Variants in DNM1L observed in about 807,000 individuals in gnomAD.
The protein encoded by DNM1L is dynamin 1L.
A neutral mutation model predicts 92.8 loss-of-function variants in DNM1L; 33 were observed. The observed-to-expected ratio is 0.36, with a 90% CI of 0.27 to 0.48. The LOEUF (loss-of-function observed/expected upper bound fraction) is 0.48, where lower values mean the gene tolerates loss of function less well. Ranked by LOEUF, DNM1L falls within the 20% of genes least tolerant of loss-of-function variation. DNM1L has a pLI of 0.99. For missense variants in DNM1L, 485 were observed against 888.8 expected (o/e 0.55, Z 5.78); for synonymous variants, 284 against 305.0 (o/e 0.93, Z 0.72).
chr12:32,711,269 A>C, intron 5 of DNM1L: 1 of 426,960 alleles, frequency 2.3e-6, no homozygotes, highest in East Asian at 4.6e-5. Flanking sequence ...CCAATGTCTA[A>C]ACAGTAAGTG....
chr12:32,688,948 T>C (rs529070796), intron 1 of DNM1L, among the ~76,000 whole-genome samples: 1 of 152,252 alleles, frequency 6.6e-6, no homozygotes, highest in Admixed American at 6.5e-5. Flanking sequence ...CTGTAGTCCC[T>C]TTTACTTGGG....
chr12:32,708,292 A>G, intron 4 of DNM1L, 68 bp downstream of exon 4: 1 of 1,042,678 alleles, frequency 9.6e-7, no homozygotes, highest in Non-Finnish European at 1.5e-6. Context: ...TTCTGTACAT[A>G]ATATGTGAAG....
intron 9 of DNM1L, among the ~76,000 whole-genome samples, chr12:32,729,848 C>A (rs1954431097): frequency 6.6e-6 from 1 of 152,098 alleles, no homozygotes; most frequent in Non-Finnish European, 1.5e-5. Context: ...GCTTGGCTTA[C>A]TTCTGTTAGC....
chr12:32,706,701 A>G (rs1191526735), intron 2 of DNM1L: 1 of 454,666 alleles, frequency 2.2e-6, no homozygotes, highest in East Asian at 7.0e-5. Context: ...TCCAAGGGAA[A>G]ACAGTCTTGA....
Position 32,743,664 on chromosome 12 carries a change from T to C in DNM1L, c.*254T>C. 2.1e-6 allele frequency: 1 copy of C among 486,982 alleles called. No individual in the cohort carries two copies. The highest frequency in any genetic ancestry group is 2.9e-5 in the South Asian group (1 of 34,978). The allele number at this position is 486,982 out of a possible 1,614,324, so 30.2% of individuals were successfully genotyped here. On this transcript the variant is annotated 3_prime_UTR_variant, in exon 20 of 20. Coordinates refer to ENST00000549701, the MANE Select transcript of DNM1L (RefSeq NM_012062.5). Reference sequence around the variant, plus strand: ...AAGTCTGTCTTGTGACAGTTTCATCTGAACTTAACTTAAAAACAACTGTTA... The same window carrying C: ...AAGTCTGTCTTGTGACAGTTTCATCCGAACTTAACTTAAAAACAACTGTTA...
chr12:32,740,501 A>G lies in DNM1L; in HGVS notation c.1977A>G (p.Arg659=). ...TTAAATCATATTTTCTCATTGTCAGAAAGAATATTCAAGACAGGTTAGTAT... is the reference window on the plus strand; with the variant it reads ...TTAAATCATATTTTCTCATTGTCAGGAAGAATATTCAAGACAGGTTAGTAT... ...RLIKSYFLIV[R]KNIQDSVPKA... Residue 659 remains arginine (R), a synonymous_variant, in exon 18 of 20, where the codon AGA becomes AGG. Transcript: ENST00000549701. The G allele has an allele frequency of 6.2e-7, 1 of 1,613,200 alleles. No homozygotes were observed. Among genetic ancestry groups the G allele is most frequent in the South Asian group, 1.1e-5 (1 of 90,968 alleles).
intron 1 of DNM1L, chr12:32,679,732 GA>G: frequency 8.6e-7 from 1 of 1,162,282 alleles, no homozygotes; most frequent in Non-Finnish European, 1.1e-6. Context: ...GGGTCCCGGG[GA>G]CAGGAGAGGG....
chr12:32,741,150 G>A (rs915689892), intron 18 of DNM1L, among the ~76,000 whole-genome samples: 2 of 152,138 alleles, frequency 1.3e-5, no homozygotes, highest in African/African-American at 4.8e-5. Flanking sequence ...AATGATTTTT[G>A]TCTGTAGAAC....
In DNM1L at chr12:32,733,813, T is replaced by G. The variant is rs370869264; in HGVS notation, c.1539+6T>G. 1.6e-5 allele frequency: 25 copies of G among 1,611,550 alleles called. No homozygotes were observed. The African/African-American group carries it at 3.2e-4, about 21-fold the overall frequency. ...TAATGAACAATAATATAGAGGTAAA[T>G]ATAATTCTTAAATGCTTTTTCACAG... On this transcript the variant is annotated splice_donor_region_variant and intron_variant, in intron 13 of 19. Coordinates refer to ENST00000549701, the MANE Select transcript of DNM1L (RefSeq NM_012062.5).
chr12:32,706,436 G>C (rs1952929942), intron 2 of DNM1L, among the ~76,000 whole-genome samples: 1 of 152,166 alleles, frequency 6.6e-6, no homozygotes, highest in Non-Finnish European at 1.5e-5. Flanking sequence ...GCTGTGTTTG[G>C]AGGAGATAAA....
At chr12:32,721,950 ACAGGG>A (rs1264948780) in intron 8 of DNM1L, among the ~76,000 whole-genome samples, 3 of 152,230 alleles carry the variant, frequency 2.0e-5, no homozygotes, top group Non-Finnish European at 4.4e-5. Flanking sequence ...GAAGAGATGC[ACAGGG>A]CTGGGCATGT....
chr12:32,744,358 T>C lies in DNM1L; in HGVS notation c.*948T>C, dbSNP rs1955511881. The C allele has an allele frequency of 6.5e-6, 1 of 154,342 alleles. No individual in the cohort carries two copies. The highest frequency in any genetic ancestry group is 1.4e-5 in the Non-Finnish European group (1 of 69,734). 9.6% of individuals were successfully genotyped at this position (154,342 alleles called of 1,614,324 possible). A position where few individuals can be genotyped will look rare whatever the true frequency, so the allele number is the denominator to read the frequency against. Reference sequence around the variant, plus strand: ...ATTGGTAATAGCTACTTTTGCTTCATAGCTTCATACCAACAAAATATATTT... The same window carrying C: ...ATTGGTAATAGCTACTTTTGCTTCACAGCTTCATACCAACAAAATATATTT... On this transcript the variant is annotated 3_prime_UTR_variant, in exon 20 of 20. Transcript: ENST00000549701.
At chr12:32,697,160 T>C (rs1023131495) in intron 1 of DNM1L, among the ~76,000 whole-genome samples, 1 of 151,710 alleles carries the variant, frequency 6.6e-6, no homozygotes, top group Non-Finnish European at 1.5e-5. Context: ...ACCAGTGAGA[T>C]GGAGGCTGCA....
rs370632210 is a variant in DNM1L, at chr12:32,745,060, A to G, written c.*1650A>G. The G allele has an allele frequency of 8.2e-5, 41 of 498,602 alleles. No homozygotes were observed. Among genetic ancestry groups the G allele is most frequent in the Non-Finnish European group, 1.6e-4 (41 of 253,080 alleles). 30.9% of individuals were successfully genotyped at this position (498,602 alleles called of 1,614,324 possible). On this transcript the variant is annotated 3_prime_UTR_variant, in exon 20 of 20. Transcript: ENST00000549701. ...TTACTAAGGAACAACAGGCTCACCA[A>G]CTGATGTCAAACATAAAAACCCCCA...
At chr12:32,703,114 T>C (rs551157464) in intron 2 of DNM1L, among the ~76,000 whole-genome samples, 12 of 151,972 alleles carry the variant, frequency 7.9e-5, no homozygotes, top group African/African-American at 2.4e-4. Flanking sequence ...GCCCATGATA[T>C]CCTGTCTCTC....
intron 8 of DNM1L, among the ~76,000 whole-genome samples, chr12:32,721,469 A>C (rs1953798182): frequency 6.6e-6 from 1 of 152,200 alleles, no homozygotes; most frequent in Non-Finnish European, 1.5e-5. Flanking sequence ...TCTCTGTGGT[A>C]ATTGCAGTAA....
At chr12:32,717,362 T>C (rs1211295250) in intron 6 of DNM1L, among the ~76,000 whole-genome samples, 3 of 74,100 alleles carry the variant, frequency 4.0e-5, no homozygotes, top group Non-Finnish European at 7.4e-5. Context: ...ATATAGTATA[T>C]ATAATATATA....
chr12:32,695,735 G>A (rs893386015), intron 1 of DNM1L, among the ~76,000 whole-genome samples: 7 of 151,984 alleles, frequency 4.6e-5, no homozygotes, highest in South Asian at 2.1e-4. Context: ...TGGTGCCACC[G>A]CACACCAGCC....
intron 19 of DNM1L, 32 bp from the exon 20 acceptor site, chr12:32,743,322 A>C: frequency 1.3e-6 from 2 of 1,595,360 alleles, no homozygotes; most frequent in Non-Finnish European, 1.7e-6. Flanking sequence ...ACTTTATAAT[A>C]AGCATTTAAA....
Sources: gnomAD v4.1 joint callset for allele counts (sites outside exome capture counted in the v4.1 genomes callset) on GRCh38, gnomAD v4.1.1 for gene constraint, MANE v1.5 for transcripts, NCBI Gene and HGNC (gene_info 2026-07-23, HGNC 2026-07-21) for gene names.